ARHGEF6: variants seen among roughly 807,000 people sequenced by gnomAD.
ARHGEF6 encodes rho guanine nucleotide exchange factor 6.
In ARHGEF6, 9 loss-of-function variants were observed where a neutral mutation model predicts 70.3. The ratio of observed to expected loss-of-function variants is 0.13; its 90% CI spans 0.08 to 0.22. The LOEUF is 0.22. Ranked by LOEUF, ARHGEF6 falls within the 10% of genes least tolerant of loss-of-function variation. The pLI is 1.00. For synonymous variants in ARHGEF6, 201 were observed against 207.8 expected (o/e 0.97, Z 0.28); for missense variants, 470 against 563.0 (o/e 0.83, Z 1.67).
Position 136,743,800 on chromosome X carries a change from A to G in ARHGEF6, c.460-14T>C. Reference sequence around the variant, plus strand: ...TTCCGTCATCTCCTAGAGAAACAAAAGCCACACCAGATTAAGCACTCATCT... The same window carrying G: ...TTCCGTCATCTCCTAGAGAAACAAAGGCCACACCAGATTAAGCACTCATCT... On this transcript the variant is annotated splice_polypyrimidine_tract_variant and intron_variant, in intron 4 of 21. Transcript: ENST00000250617. 1 of 1,198,915 alleles carries G rather than the reference A, an allele frequency of 8.3e-7. No homozygotes were observed. Among genetic ancestry groups the G allele is most frequent in the Non-Finnish European group, 1.1e-6 (1 of 883,816 alleles).
chrX:136,712,272 C>A (rs966235439), intron 7 of ARHGEF6, among the ~76,000 whole-genome samples: 2 of 111,130 alleles, frequency 1.8e-5, no homozygotes, highest in African/African-American at 3.3e-5. Flanking sequence ...CCACGCCCGG[C>A]TAATTTGCTT....
Position 136,686,594 on chromosome X carries a change from G to GTGTATATATA in ARHGEF6, c.1246-772_1246-771insTATATATACA, listed in dbSNP as rs1303999821. Among the ~76,000 whole-genome samples the GTGTATATATA allele has an allele frequency of 8.8e-5, 5 of 57,122 alleles. No individual in the cohort carries two copies. In the East Asian group the frequency reaches 2.6e-3, roughly 29 times the overall value. The allele number at this position is 57,122 out of a possible 115,157, so 49.6% of individuals were successfully genotyped here. On this transcript the variant is annotated intron_variant, in intron 11 of 21. Transcript: ENST00000250617. ...TATATATATGTGTGTGTATGTGTGT[G>GTGTATATATA]TATATATATATATATATATATATAT...
intron 9 of ARHGEF6, among the ~76,000 whole-genome samples, chrX:136,706,293 AATT>A (rs1276868468): frequency 8.9e-6 from 1 of 112,062 alleles, no homozygotes; most frequent in Non-Finnish European, 1.9e-5. Flanking sequence ...ATTCATGTAT[AATT>A]ATTATCAGAG....
intron 14 of ARHGEF6, among the ~76,000 whole-genome samples, 178 bp downstream of exon 14, chrX:136,681,712 A>T (rs2076334635): frequency 8.9e-6 from 1 of 112,260 alleles, no homozygotes; most frequent in Non-Finnish European, 1.9e-5. Flanking sequence ...ATGAGAGGAG[A>T]CTTCTCTGTG....
At chrX:136,749,816 G>A (rs1242702277) in intron 2 of ARHGEF6, among the ~76,000 whole-genome samples, 1 of 111,511 alleles carries the variant, frequency 9.0e-6, no homozygotes. Flanking sequence ...AAGCCTCTGG[G>A]AACTGCTAGA....
At chrX:136,768,405 G>A (rs1911180851) in intron 2 of ARHGEF6, 1 of 112,568 alleles carries the variant, frequency 8.9e-6, no homozygotes, top group Non-Finnish European at 1.9e-5. Context: ...CAGAAGAAAA[G>A]AACTTGCCAA....
Position 136,681,962 on chromosome X carries a change from T to G in ARHGEF6, c.1486A>C (p.Ile496Leu). The G allele has an allele frequency of 8.4e-7, 1 of 1,189,838 alleles. No individual in the cohort carries two copies. The highest frequency in any genetic ancestry group is 1.1e-6 in the Non-Finnish European group (1 of 875,777). The change falls in exon 14 of 22, where the codon ATA (isoleucine) becomes CTA (leucine). Residue 496 changes from isoleucine to leucine, a missense_variant. Transcript: ENST00000250617. ...RMSGFIYQGK[I>L]PIAGTVVTRL... ...GTCACCACCGTTCCTGCTATTGGTA[T>G]TTTTCCCTATTAGAAAAAGAACATT... is the stretch of plus-strand genomic sequence containing the variant.
chrX:136,765,116 C>T (rs1324005688), intron 2 of ARHGEF6, among the ~76,000 whole-genome samples: 2 of 111,533 alleles, frequency 1.8e-5, no homozygotes, highest in African/African-American at 6.5e-5. Context: ...TTGGTTTCCA[C>T]CAGGGTATAA....
Position 136,667,570 on chromosome X carries a change from G to A in ARHGEF6, c.*459C>T. On this transcript the variant is annotated 3_prime_UTR_variant, in exon 22 of 22. Coordinates refer to ENST00000250617, the MANE Select transcript of ARHGEF6 (RefSeq NM_004840.3). ...AGGCTTGCAGGTACAGGAAAGCCCT[G>A]GGGAAAAGTTGGGTTCACATTTAAT... 1 of 147,318 alleles carries A rather than the reference G, an allele frequency of 6.8e-6. No individual in the cohort carries two copies. The highest frequency in any genetic ancestry group is 7.6e-5 in the Admixed American group (1 of 13,179). The allele number at this position is 147,318 out of a possible 1,213,427, so 12.1% of individuals were successfully genotyped here. A position where few individuals can be genotyped will look rare whatever the true frequency, so the allele number is the denominator to read the frequency against.
At chrX:136,746,078 G>A (rs1249976899) in intron 3 of ARHGEF6, among the ~76,000 whole-genome samples, 1 of 111,964 alleles carries the variant, frequency 8.9e-6, no homozygotes, top group Non-Finnish European at 1.9e-5. Context: ...AACTGCAAAA[G>A]TCTAAAGCCC....
In ARHGEF6 at chrX:136,675,019, C is replaced by A; in HGVS notation, c.2023G>T (p.Gly675Cys). Reference sequence around the variant, plus strand: ...TGGGGGAACCTACTTGAGCCATGGCCTTGTTGAAAATTTGCGCTGGTGCAG... The same window carrying A: ...TGGGGGAACCTACTTGAGCCATGGCATTGTTGAAAATTTGCGCTGGTGCAG... ...AYCTSANFQQ[G>C]HGSSTRKDSI... The change falls in exon 19 of 22, where the codon GGC (glycine) becomes TGC (cysteine). Residue 675 changes from glycine to cysteine, a missense_variant. Transcript: ENST00000250617. The A allele has an allele frequency of 8.3e-7, 1 of 1,210,765 alleles. No individual in the cohort carries two copies. Among genetic ancestry groups the A allele is most frequent in the Non-Finnish European group, 1.1e-6 (1 of 894,574 alleles).
At chrX:136,722,192 C>T (rs1201342031) in intron 6 of ARHGEF6, among the ~76,000 whole-genome samples, 1 of 111,286 alleles carries the variant, frequency 9.0e-6, no homozygotes, top group African/African-American at 3.3e-5. Flanking sequence ...AAAACTAACT[C>T]AAAATGGATT....
intron 9 of ARHGEF6, among the ~76,000 whole-genome samples, chrX:136,692,297 G>T (rs73563504): frequency 0.079 from 8,731 of 110,919 alleles, 646 homozygotes; most frequent in African/African-American, 0.24. Flanking sequence ...TTGCCATTTT[G>T]CCCAGGCTGG....
intron 2 of ARHGEF6, among the ~76,000 whole-genome samples, chrX:136,754,118 T>C (rs1228158404): frequency 8.9e-6 from 1 of 111,963 alleles, no homozygotes; most frequent in Non-Finnish European, 1.9e-5. Flanking sequence ...TACCTCAGCA[T>C]CACCATAGGA....
chrX:136,727,385 C>CTTTCTTTCTT (rs1317389784), intron 6 of ARHGEF6, among the ~76,000 whole-genome samples: 1 of 73,699 alleles, frequency 1.4e-5, no homozygotes, highest in Non-Finnish European at 2.5e-5. Flanking sequence ...TTCTTTCTTT[C>CTTTCTTTCTT]TTTCTTTCTT....
chrX:136,674,936 T>C, intron 19 of ARHGEF6, 71 bp downstream of exon 19: 2 of 1,072,889 alleles, frequency 1.9e-6, no homozygotes, highest in Admixed American at 2.2e-5. Context: ...TGCTTTTCTC[T>C]TTTTCTAAAA....
At chrX:136,694,549 AC>A (rs1337853926) in intron 9 of ARHGEF6, among the ~76,000 whole-genome samples, 1 of 111,832 alleles carries the variant, frequency 8.9e-6, no homozygotes, top group African/African-American at 3.3e-5. Flanking sequence ...GAGAGAACTA[AC>A]AAGAGCAAAA....
intron 6 of ARHGEF6, among the ~76,000 whole-genome samples, chrX:136,721,366 C>T (rs1231043127): frequency 9.0e-6 from 1 of 111,139 alleles, no homozygotes; most frequent in Non-Finnish European, 1.9e-5. Flanking sequence ...AGTTTGAGAC[C>T]AGCCTCGGCA....
intron 10 of ARHGEF6, among the ~76,000 whole-genome samples, chrX:136,688,375 G>C (rs2076425286): frequency 9.1e-6 from 1 of 110,423 alleles, no homozygotes; most frequent in Non-Finnish European, 1.9e-5. Context: ...ATTATACTTT[G>C]GATAATGATT....
Sources: allele counts gnomAD v4.1 joint callset (sites outside exome capture counted in the v4.1 genomes callset), GRCh38; gene constraint gnomAD v4.1.1; transcripts MANE v1.5; gene names NCBI Gene and HGNC (gene_info 2026-07-23, HGNC 2026-07-21).